TTC5: variants seen among roughly 807,000 people sequenced by gnomAD.
TTC5 encodes tetratricopeptide repeat domain 5.
TTC5 carries 46 observed loss-of-function variants against 57.4 expected under a neutral mutation model. That is an observed-to-expected ratio of 0.80 (90% CI 0.63 to 1.03). The LOEUF (loss-of-function observed/expected upper bound fraction) is 1.03, where lower values mean the gene tolerates loss of function less well. Ranked by LOEUF, TTC5 falls within the 50% of genes least tolerant of loss-of-function variation. TTC5 has a pLI of 0.00. For synonymous variants in TTC5, 190 were observed against 203.5 expected, an observed-to-expected ratio of 0.93 and a Z score of 0.57; for missense variants, 504 against 528.1, an observed-to-expected ratio of 0.95 and a Z score of 0.45.
intron 1 of TTC5, 160 bp downstream of exon 1, chr14:20,305,727 T>TGGGA: frequency 1.4e-6 from 1 of 707,058 alleles, no homozygotes; most frequent in Non-Finnish European, 2.5e-6. Context: ...CGAGGCTCCC[T>TGGGA]GGCTGGCTGC....
At position 20,289,630 on chromosome 14, in the gene TTC5, T is replaced by C. The variant is rs772764146; in HGVS notation, c.1320A>G (p.Glu440=). 6.2e-7 allele frequency: 1 copy of C among 1,612,640 alleles called. No individual in the cohort carries two copies. The highest frequency in any genetic ancestry group is 8.5e-7 in the Non-Finnish European group (1 of 1,179,144). Residue 440 remains glutamate (E), a synonymous_variant, in exon 10 of 10, where the codon GAA becomes GAG. Coordinates refer to ENST00000258821, the MANE Select transcript of TTC5 (RefSeq NM_138376.3). ...TGTTGAGCATGCAAGTCAAAGGTCATTCACACTGTGGTCGCGATGCCACTG... is the reference window on the plus strand; with the variant it reads ...TGTTGAGCATGCAAGTCAAAGGTCACTCACACTGTGGTCGCGATGCCACTG... ...VATVASRPQC[E]
intron 8 of TTC5, 107 bp from the exon 9 acceptor site, chr14:20,292,234 A>G: frequency 1.6e-6 from 1 of 630,510 alleles, no homozygotes; most frequent in Non-Finnish European, 2.4e-6. Context: ...CTGGACTTAA[A>G]GTCAGTGACA....
chr14:20,301,767 G>A, intron 2 of TTC5, 66 bp downstream of exon 2: 3 of 1,596,294 alleles, frequency 1.9e-6, no homozygotes, highest in African/African-American at 1.3e-5. Flanking sequence ...GAGTCAATGA[G>A]GAGGGAGCAA....
chr14:20,287,386 T>C lies in TTC5; in HGVS notation c.*2241A>G, dbSNP rs1881860730. The C allele has an allele frequency of 1.3e-5, 2 of 152,168 alleles. No homozygotes were observed. The highest frequency in any genetic ancestry group is 4.8e-5 in the African/African-American group (2 of 41,418). 9.4% of individuals were successfully genotyped at this position (152,168 alleles called of 1,614,324 possible). A position where few individuals can be genotyped will look rare whatever the true frequency, so the allele number is the denominator to read the frequency against. On this transcript the variant is annotated 3_prime_UTR_variant, in exon 10 of 10. Transcript: ENST00000258821. ...TTACATATCAGGACATATACAAGAA[T>C]ATTAATAATGTAGTGCTTTGGTAGT...
chr14:20,289,892 C>T, intron 9 of TTC5, 146 bp from the exon 10 acceptor site: 1 of 899,984 alleles, frequency 1.1e-6, no homozygotes, highest in Non-Finnish European at 1.6e-6. Context: ...CAAAACTGAG[C>T]TAACACAGGG....
At position 20,295,015 on chromosome 14, in the gene TTC5, G is replaced by T. The variant is rs1167936446; in HGVS notation, c.1058+297C>A. ...AAATGCAAAGGGACAGAAGAATTTTGAGGTTTCTGTCTTATAAAAAAATAT... is the reference window on the plus strand; with the variant it reads ...AAATGCAAAGGGACAGAAGAATTTTTAGGTTTCTGTCTTATAAAAAAATAT... On this transcript the variant is annotated intron_variant, in intron 8 of 9. Coordinates refer to ENST00000258821, the MANE Select transcript of TTC5 (RefSeq NM_138376.3). 4 of 315,844 alleles carry T rather than the reference G, an allele frequency of 1.3e-5. No homozygotes were observed. In the East Asian group the frequency reaches 2.4e-4, roughly 19 times the overall value. 19.6% of individuals were successfully genotyped at this position (315,844 alleles called of 1,614,324 possible).
At chr14:20,295,999 G>C (rs1882054931) in intron 6 of TTC5, 145 bp from the exon 7 acceptor site, 1 of 757,760 alleles carries the variant, frequency 1.3e-6, no homozygotes, top group South Asian at 2.2e-5. Flanking sequence ...TGAAGAGCTG[G>C]TAACACCTTA....
chr14:20,303,482 T>C (rs1202325397), intron 1 of TTC5, among the ~76,000 whole-genome samples: 2 of 152,208 alleles, frequency 1.3e-5, no homozygotes, highest in African/African-American at 2.4e-5. Flanking sequence ...ATATAATCAC[T>C]TCCCTTCGAG....
intron 9 of TTC5, 33 bp from the exon 10 acceptor site, chr14:20,289,779 A>T: frequency 6.3e-7 from 1 of 1,577,344 alleles, no homozygotes; most frequent in Non-Finnish European, 8.6e-7. Flanking sequence ...GGTTCACTAC[A>T]GATTCCAAGA....
Position 20,292,053 on chromosome 14 carries a change from A to G in TTC5, c.1133T>C (p.Val378Ala). 1 of 1,599,814 alleles carries G rather than the reference A, an allele frequency of 6.3e-7. No individual in the cohort carries two copies. The highest frequency in any genetic ancestry group is 8.5e-7 in the Non-Finnish European group (1 of 1,173,202). ...AATGGCTACAGAGTCTCCAATGAGCACTCCCCAGCTCTGCACTATATTGTA... is the reference window on the plus strand; with the variant it reads ...AATGGCTACAGAGTCTCCAATGAGCGCTCCCCAGCTCTGCACTATATTGTA... ...MVYNIVQSWG[V>A]LIGDSVAIPE... The change falls in exon 9 of 10, where the codon GTG (valine) becomes GCG (alanine). Residue 378 changes from valine (V) to alanine (A), a missense_variant. Coordinates refer to ENST00000258821, the MANE Select transcript of TTC5 (RefSeq NM_138376.3).
chr14:20,291,397 T>G (rs889202504), intron 9 of TTC5, among the ~76,000 whole-genome samples: 9 of 152,292 alleles, frequency 5.9e-5, no homozygotes, highest in African/African-American at 1.9e-4. Flanking sequence ...TGAGCCAGAT[T>G]TGGTCAATGG....
At chr14:20,294,715 G>A (rs186196824) in intron 8 of TTC5, 30 of 152,452 alleles carry the variant, frequency 2.0e-4, no homozygotes, top group South Asian at 2.1e-4. Context: ...TCACTAAACC[G>A]TAACTTTTCA....
At chr14:20,300,516 AC>A in intron 3 of TTC5, 90 bp downstream of exon 3, 1 of 1,126,964 alleles carries the variant, frequency 8.9e-7, no homozygotes, top group Non-Finnish European at 1.3e-6. Context: ...TTTCAGTTCT[AC>A]TCTGGTATTC....
chr14:20,302,997 T>C (rs909756063), intron 1 of TTC5, among the ~76,000 whole-genome samples: 2 of 151,656 alleles, frequency 1.3e-5, no homozygotes, highest in Non-Finnish European at 2.9e-5. Context: ...ATCGAAACCA[T>C]CCTGGCCATC....
rs1882067474 is a variant in TTC5, at chr14:20,296,507, C to A, written c.640-61G>T. ...TCTCAATGTTAAGGACTGACATGCC[C>A]AACATGTCCTACGCCTCCTCTTTCT... On this transcript the variant is annotated intron_variant, in intron 5 of 9. Transcript: ENST00000258821. 17 of 1,295,746 alleles carry A rather than the reference C, an allele frequency of 1.3e-5. No individual in the cohort carries two copies. In the South Asian group the frequency reaches 1.9e-4, roughly 14 times the overall value. 80.3% of individuals were successfully genotyped at this position (1,295,746 alleles called of 1,614,324 possible). A position where few individuals can be genotyped will look rare whatever the true frequency, so the allele number is the denominator to read the frequency against.
chr14:20,298,802 G>T lies in TTC5; in HGVS notation c.634C>A (p.Gln212Lys). Reference sequence around the variant, plus strand: ...TGGTGACCATAAGTACTTACTGCTTGGGCATAGGCACTGAGGGCTTGCTGG... The same window carrying T: ...TGGTGACCATAAGTACTTACTGCTTTGGCATAGGCACTGAGGGCTTGCTGG... Reference protein sequence around the residue: ...ISQQALSAYAQAEKVDRKASS... With the variant: ...ISQQALSAYAKAEKVDRKASS... Residue 212 changes from glutamine (Q) to lysine (K), a missense_variant, in exon 5 of 10, where the codon CAA becomes AAA. Physicochemically the swap from Gln to Lys is moderately conservative, Grantham distance 53 (BLOSUM62 1). Coordinates refer to ENST00000258821, the MANE Select transcript of TTC5 (RefSeq NM_138376.3). 1 of 1,611,198 alleles carries T rather than the reference G, an allele frequency of 6.2e-7. No homozygotes were observed. The highest frequency in any genetic ancestry group is 8.5e-7 in the Non-Finnish European group (1 of 1,177,366).
At chr14:20,297,164 G>T (rs952029206) in intron 5 of TTC5, among the ~76,000 whole-genome samples, 6 of 152,112 alleles carry the variant, frequency 3.9e-5, no homozygotes, top group Admixed American at 3.9e-4. Flanking sequence ...CCAGACACAT[G>T]CGGAATCATG....
In TTC5 at chr14:20,300,702, C is replaced by T. The variant is rs752667962; in HGVS notation, c.301G>A (p.Glu101Lys). ...LLSKAVKLEPELVEAWNQLGE... is the reference protein window; with the variant it reads ...LLSKAVKLEPKLVEAWNQLGE... ...AGCTGGTTCCAGGCTTCCACCAGCT[C>T]GGGCTCCAGCTTCACAGCCTTTGAC... Residue 101 changes from glutamate to lysine, a missense_variant, in exon 3 of 10, where the codon GAG (glutamate) becomes AAG (lysine). Physicochemically the swap from Glu to Lys is moderately conservative, Grantham distance 56. Transcript: ENST00000258821. 1.2e-5 allele frequency: 19 copies of T among 1,614,054 alleles called. No homozygotes were observed. The highest frequency in any genetic ancestry group is 2.7e-5 in the African/African-American group (2 of 74,908).
intron 9 of TTC5, among the ~76,000 whole-genome samples, chr14:20,291,198 C>A (rs1881946078): frequency 6.6e-6 from 1 of 152,158 alleles, no homozygotes. Flanking sequence ...GGACTACAGG[C>A]ATGTGCTACC....
Sources: allele counts gnomAD v4.1 joint callset (sites outside exome capture counted in the v4.1 genomes callset), GRCh38; gene constraint gnomAD v4.1.1; transcripts MANE v1.5; gene names NCBI Gene and HGNC (gene_info 2026-07-23, HGNC 2026-07-21).